The following ALCAM variants were observed in gnomAD, a reference collection of about 807,000 sequenced individuals.
The protein encoded by ALCAM is activated leukocyte cell adhesion molecule.
Under a neutral mutation model 70.9 loss-of-function variants are expected in ALCAM, and 30 were observed. That is an observed-to-expected ratio of 0.42 (90% CI 0.32 to 0.57). The LOEUF is 0.57. Among genes scored for constraint, ALCAM ranks in the 20% least tolerant of loss-of-function variants. ALCAM has a pLI of 0.11. For synonymous variants in ALCAM, 249 were observed against 242.5 expected (o/e 1.03, Z -0.25); for missense variants, 591 against 695.1 (o/e 0.85, Z 1.68).
At chr3:105,428,647 C>T (rs1369982650) in intron 1 of ALCAM, among the ~76,000 whole-genome samples, 2 of 151,926 alleles carry the variant, frequency 1.3e-5, no homozygotes, top group African/African-American at 2.4e-5. Flanking sequence ...TTCAAGAACA[C>T]TGTATTTATG....
At chr3:105,483,855 T>C (rs1008738241) in intron 1 of ALCAM, among the ~76,000 whole-genome samples, 3 of 152,088 alleles carry the variant, frequency 2.0e-5, no homozygotes, top group African/African-American at 7.2e-5. Flanking sequence ...GAACAATTTT[T>C]ATCAGATTTA....
At chr3:105,406,868 G>A (rs1270424283) in intron 1 of ALCAM, among the ~76,000 whole-genome samples, 2 of 152,046 alleles carry the variant, frequency 1.3e-5, no homozygotes, top group Non-Finnish European at 2.9e-5. Context: ...AATGAAACGG[G>A]AGATATTGCA....
intron 1 of ALCAM, among the ~76,000 whole-genome samples, chr3:105,482,254 A>G (rs928157003): frequency 6.6e-6 from 1 of 152,100 alleles, no homozygotes; most frequent in African/African-American, 2.4e-5. Context: ...CTGGGACTAC[A>G]GGTGTGTGCC....
rs549552920 is a variant in ALCAM at position 105,429,240 on chromosome 3, A to C, written c.73+61759A>C. Among the ~76,000 whole-genome samples, 3 of 152,130 alleles carry C rather than the reference A, an allele frequency of 2.0e-5. No homozygotes were observed. In the South Asian group the frequency reaches 6.2e-4, roughly 32 times the overall value. On this transcript the variant is annotated intron_variant, in intron 1 of 15. Transcript: ENST00000306107. ...CAGAATAAAAGCATCTGCCCAAAGC[A>C]AATACACTGGAGTTCACTGTCAAAC...
intron 1 of ALCAM, among the ~76,000 whole-genome samples, chr3:105,491,713 C>G (rs1272853957): frequency 6.6e-6 from 1 of 152,174 alleles, no homozygotes; most frequent in Non-Finnish European, 1.5e-5. Flanking sequence ...CAAGAGTCAC[C>G]TTAGCTCCAG....
chr3:105,543,047 A>G (rs1167682542), intron 8 of ALCAM, among the ~76,000 whole-genome samples: 2 of 151,780 alleles, frequency 1.3e-5, no homozygotes, highest in Admixed American at 6.6e-5. Context: ...CTAGCTCTCT[A>G]TTATCATTGC....
intron 1 of ALCAM, among the ~76,000 whole-genome samples, chr3:105,428,396 G>C (rs748261306): frequency 7.2e-5 from 11 of 151,770 alleles, no homozygotes; most frequent in Non-Finnish European, 1.3e-4. Flanking sequence ...TTTTCTAAAA[G>C]TTCATCTTTC....
At chr3:105,374,180 C>G (rs1202141068) in intron 1 of ALCAM, among the ~76,000 whole-genome samples, 1 of 151,998 alleles carries the variant, frequency 6.6e-6, no homozygotes, top group East Asian at 1.9e-4. Flanking sequence ...AGTAAGTGGC[C>G]CCTCTAACTG....
At chr3:105,521,972 G>A (rs1156698079) in intron 2 of ALCAM, among the ~76,000 whole-genome samples, 2 of 152,160 alleles carry the variant, frequency 1.3e-5, no homozygotes, top group Non-Finnish European at 2.9e-5. Context: ...CCAAGTGCCT[G>A]GGAGACTACC....
At chr3:105,474,502 C>T (rs1023395774) in intron 1 of ALCAM, among the ~76,000 whole-genome samples, 4 of 151,382 alleles carry the variant, frequency 2.6e-5, no homozygotes, top group Non-Finnish European at 5.9e-5. Context: ...TTACCGTAAC[C>T]TTATGTAACT....
In ALCAM at chr3:105,552,035, A is replaced by G. The variant is rs1576237927; in HGVS notation, c.1508-109A>G. 4.0e-5 allele frequency: 28 copies of G among 697,408 alleles called. No individual in the cohort carries two copies. The East Asian group carries it at 8.2e-4, about 20-fold the overall frequency. The allele number at this position is 697,408 out of a possible 1,614,324, so 43.2% of individuals were successfully genotyped here. On this transcript the variant is annotated intron_variant, in intron 12 of 15. Transcript: ENST00000306107. ...TTTTTTTTTTACTGTTAGCTATAGA[A>G]TAGACATTTTATCTTTGAGTATTAT...
chr3:105,494,461 C>T (rs1320438224), intron 1 of ALCAM, among the ~76,000 whole-genome samples: 2 of 147,152 alleles, frequency 1.4e-5, no homozygotes. Flanking sequence ...TCTTCTTTTC[C>T]CTTTCTTCCT....
At chr3:105,392,596 T>G (rs1935852528) in intron 1 of ALCAM, among the ~76,000 whole-genome samples, 1 of 151,980 alleles carries the variant, frequency 6.6e-6, no homozygotes, top group Non-Finnish European at 1.5e-5. Context: ...GCTCTGATCT[T>G]GTTTATTTCT....
Position 105,547,389 on chromosome 3 carries a change from G to A in ALCAM, c.1241-1G>A. The A allele has an allele frequency of 6.2e-7, 1 of 1,601,222 alleles. No homozygotes were observed. Among genetic ancestry groups the A allele is most frequent in the Non-Finnish European group, 8.5e-7 (1 of 1,174,762 alleles). ...ATCTTATTTTAATTGTAATATTTCA[G>A]GCAAACCTCAAATAAAAATGACAAA... On this transcript the variant is annotated splice_acceptor_variant, in intron 10 of 15. Transcript: ENST00000306107. LOFTEE classifies it high-confidence loss of function.
At chr3:105,417,610 G>A (rs1189066613) in intron 1 of ALCAM, among the ~76,000 whole-genome samples, 1 of 151,602 alleles carries the variant, frequency 6.6e-6, no homozygotes, top group African/African-American at 2.4e-5. Flanking sequence ...ATTTTGTTTT[G>A]TTTCAGTCAG....
At chr3:105,568,010 G>A (rs563624443) in intron 14 of ALCAM, among the ~76,000 whole-genome samples, 183 of 151,078 alleles carry the variant, frequency 1.2e-3, no homozygotes, top group African/African-American at 4.2e-3. Context: ...GTCTGTCTTA[G>A]GATGAATGTC....
intron 1 of ALCAM, among the ~76,000 whole-genome samples, chr3:105,403,540 A>G (rs1206921751): frequency 6.6e-6 from 1 of 152,122 alleles, no homozygotes; most frequent in Non-Finnish European, 1.5e-5. Context: ...GGGGGAGAAC[A>G]CCACATCAAG....
At chr3:105,532,692 T>C (rs145591377) in intron 4 of ALCAM, among the ~76,000 whole-genome samples, 59 of 152,122 alleles carry the variant, frequency 3.9e-4, no homozygotes, top group African/African-American at 1.4e-3. Flanking sequence ...CAATATGAAA[T>C]AATAGGATGT....
chr3:105,523,841 A>T (rs936155088), intron 2 of ALCAM, among the ~76,000 whole-genome samples: 14 of 152,224 alleles, frequency 9.2e-5, no homozygotes, highest in African/African-American at 3.4e-4. Context: ...AGAGGTGTGG[A>T]CATTTAAAAT....
Sources: allele counts gnomAD v4.1 joint callset (sites outside exome capture counted in the v4.1 genomes callset), GRCh38; gene constraint gnomAD v4.1.1; transcripts MANE v1.5; gene names NCBI Gene and HGNC (gene_info 2026-07-23, HGNC 2026-07-21).